GPR137C: variants seen among roughly 807,000 people sequenced by gnomAD.
The protein encoded by GPR137C is integral membrane protein GPR137C.
In GPR137C, 27 loss-of-function variants were observed where a neutral mutation model predicts 43.4. The observed-to-expected ratio is 0.62, with a 90% CI of 0.46 to 0.86. GPR137C has a LOEUF of 0.86. Among genes scored for constraint, GPR137C ranks in the 40% least tolerant of loss-of-function variants. The pLI is 0.00. For synonymous variants in GPR137C, 285 were observed against 226.9 expected (o/e 1.26, Z -2.30); for missense variants, 522 against 534.6 (o/e 0.98, Z 0.23).
At chr14:52,585,816 T>C (rs1337795850) in intron 1 of GPR137C, among the ~76,000 whole-genome samples, 1 of 151,408 alleles carries the variant, frequency 6.6e-6, no homozygotes, top group Admixed American at 6.6e-5. Context: ...ACCTGGGCGA[T>C]AGAGGGAGAC....
At chr14:52,570,913 C>A (rs942067731) in intron 1 of GPR137C, among the ~76,000 whole-genome samples, 9 of 152,226 alleles carry the variant, frequency 5.9e-5, no homozygotes, top group Admixed American at 1.3e-4. Flanking sequence ...CCCCACTGTC[C>A]ATATTAGACA....
intron 1 of GPR137C, among the ~76,000 whole-genome samples, chr14:52,569,207 A>G (rs947280607): frequency 6.6e-6 from 1 of 152,214 alleles, no homozygotes; most frequent in Non-Finnish European, 1.5e-5. Flanking sequence ...CCTGACTGTT[A>G]GAAGGAAAAC....
intron 1 of GPR137C, among the ~76,000 whole-genome samples, chr14:52,571,498 C>T (rs2038468072): frequency 6.6e-6 from 1 of 152,026 alleles, no homozygotes; most frequent in African/African-American, 2.4e-5. Context: ...CATAGTGAAA[C>T]CCCGTCTCTA....
intron 1 of GPR137C, among the ~76,000 whole-genome samples, chr14:52,582,130 C>T (rs80234525): frequency 0.09 from 13,638 of 152,204 alleles, 679 homozygotes; most frequent in South Asian, 0.15. Context: ...CCAGTAGATC[C>T]AGTGTCTGAT....
At chr14:52,560,535 G>A (rs2038266196) in intron 1 of GPR137C, among the ~76,000 whole-genome samples, 1 of 152,176 alleles carries the variant, frequency 6.6e-6, no homozygotes, top group Admixed American at 6.5e-5. Context: ...AATCAAGAGA[G>A]TGTAATGCTG....
At chr14:52,604,911 G>T (rs1204306475) in intron 3 of GPR137C, among the ~76,000 whole-genome samples, 1 of 152,160 alleles carries the variant, frequency 6.6e-6, no homozygotes, top group Admixed American at 6.5e-5. Context: ...TATTCCACTG[G>T]TCTGTGTGTC....
intron 6 of GPR137C, among the ~76,000 whole-genome samples, chr14:52,634,507 G>A (rs1187956175): frequency 1.3e-5 from 2 of 152,058 alleles, no homozygotes; most frequent in Non-Finnish European, 2.9e-5. Context: ...ATCTGGGCAA[G>A]TTATATAACC....
At chr14:52,608,047 T>C (rs1023813793) in intron 3 of GPR137C, among the ~76,000 whole-genome samples, 9 of 152,200 alleles carry the variant, frequency 5.9e-5, no homozygotes, top group Non-Finnish European at 1.0e-4. Flanking sequence ...AGTTAGATCA[T>C]GTTTTTTAAT....
chr14:52,588,991 A>G (rs1594792639), intron 1 of GPR137C, among the ~76,000 whole-genome samples: 1 of 152,242 alleles, frequency 6.6e-6, no homozygotes, highest in Admixed American at 6.5e-5. Context: ...CTAAGTGTCC[A>G]TTGATTGATG....
At chr14:52,602,766 G>A (rs544604681) in intron 3 of GPR137C, among the ~76,000 whole-genome samples, 1 of 152,004 alleles carries the variant, frequency 6.6e-6, no homozygotes, top group South Asian at 2.1e-4. Flanking sequence ...TTTCTCTTGG[G>A]GCACTTATCA....
intron 3 of GPR137C, among the ~76,000 whole-genome samples, chr14:52,628,565 G>A (rs1391173131): frequency 2.0e-5 from 3 of 152,198 alleles, no homozygotes; most frequent in Non-Finnish European, 2.9e-5. Flanking sequence ...GGAGGCCAAG[G>A]TGGTCAGATC....
intron 3 of GPR137C, among the ~76,000 whole-genome samples, chr14:52,630,594 C>T (rs1380562614): frequency 6.6e-6 from 1 of 152,096 alleles, no homozygotes; most frequent in Non-Finnish European, 1.5e-5. Context: ...CTGTTACTAT[C>T]CCAGCATCTT....
rs780691260 is a variant in GPR137C, at chr14:52,553,338, C to T, written c.191C>T (p.Ala64Val). The T allele has an allele frequency of 1.9e-6, 3 of 1,600,646 alleles. No homozygotes were observed. Among genetic ancestry groups the T allele is most frequent in the Non-Finnish European group, 1.7e-6 (2 of 1,177,760 alleles). Residue 64 changes from alanine to valine, a missense_variant, in exon 1 of 7, where the codon GCC (alanine) becomes GTC (valine). By Grantham distance (64) the Ala-to-Val change is moderately conservative (BLOSUM62 0). This residue lies in a region of GPR137C where 437 missense variants were observed against 425.7 expected (regional missense o/e 1.03). Transcript: ENST00000321662. Reference protein sequence around the residue: ...ALLYAALFAFAYLQLWRLLLY... With the variant: ...ALLYAALFAFVYLQLWRLLLY... The stretch of plus-strand genomic sequence containing the variant: ...CTCTACGCCGCGCTGTTCGCCTTTG[C>T]CTACCTGCAGCTGTGGCGGCTGCTC...
At chr14:52,582,822 A>G (rs1052806516) in intron 1 of GPR137C, among the ~76,000 whole-genome samples, 8 of 152,166 alleles carry the variant, frequency 5.3e-5, no homozygotes, top group African/African-American at 1.9e-4. Context: ...TAAAAATAAT[A>G]AAATGAGAAA....
At chr14:52,607,289 A>G (rs970566803) in intron 3 of GPR137C, among the ~76,000 whole-genome samples, 1 of 152,158 alleles carries the variant, frequency 6.6e-6, no homozygotes, top group African/African-American at 2.4e-5. Context: ...TGTTTTATGG[A>G]TGTCTGTTAG....
chr14:52,554,135 A>G (rs534305070), intron 1 of GPR137C, among the ~76,000 whole-genome samples: 220 of 152,310 alleles, frequency 1.4e-3, no homozygotes, highest in South Asian at 1.9e-3. Context: ...AGCCTCACAT[A>G]AATTTCGTTC....
intron 1 of GPR137C, among the ~76,000 whole-genome samples, chr14:52,556,117 C>T (rs75312688): frequency 0.016 from 2,486 of 152,074 alleles, 67 homozygotes; most frequent in African/African-American, 0.056. Flanking sequence ...ACCAAAAGCC[C>T]CTATAACTTT....
At chr14:52,578,042 C>G (rs1403966204) in intron 1 of GPR137C, among the ~76,000 whole-genome samples, 1 of 152,132 alleles carries the variant, frequency 6.6e-6, no homozygotes, top group East Asian at 1.9e-4. Context: ...ATGAACATCT[C>G]TATACAATTC....
intron 3 of GPR137C, among the ~76,000 whole-genome samples, chr14:52,618,878 T>A (rs1416959971): frequency 6.6e-6 from 1 of 152,062 alleles, no homozygotes; most frequent in Non-Finnish European, 1.5e-5. Flanking sequence ...AATCAAAGAA[T>A]GGGTAGGAAT....
Sources: gnomAD v4.1 joint callset for allele counts (sites outside exome capture counted in the v4.1 genomes callset) on GRCh38, gnomAD v4.1.1 for gene constraint, gnomAD v4.1.1 regional missense constraint, MANE v1.5 for transcripts, NCBI Gene and HGNC (gene_info 2026-07-23, HGNC 2026-07-21) for gene names.